The following TJP2 variants were observed in gnomAD, a reference collection of about 807,000 sequenced individuals.
The protein encoded by TJP2 is tight junction protein 2.
A neutral mutation model predicts 133.1 loss-of-function variants in TJP2; 91 were observed. The ratio of observed to expected loss-of-function variants is 0.68; its 90% confidence interval spans 0.58 to 0.81. The LOEUF is 0.81. TJP2 is among the 40% of genes least tolerant of loss of function. The probability of loss-of-function intolerance (pLI) is 0.00; values close to 1 mark genes in which losing one functional copy is unlikely to be tolerated. For missense variants in TJP2, 1,541 were observed against 1,565.6 expected, an observed-to-expected ratio of 0.98 and a Z score of 0.26; for synonymous variants, 592 against 583.4, an observed-to-expected ratio of 1.01 and a Z score of -0.21.
intron 1 of TJP2, among the ~76,000 whole-genome samples, chr9:69,141,305 A>G (rs549936135): frequency 2.0e-4 from 31 of 152,278 alleles, no homozygotes; most frequent in African/African-American, 6.3e-4. Context: ...ACGTATCACA[A>G]CCATAAGGGA....
upstream of TJP2, among the ~76,000 whole-genome samples, chr9:69,172,445 C>T (rs1824740523): frequency 1.3e-5 from 2 of 152,188 alleles, no homozygotes; most frequent in African/African-American, 4.8e-5. Context: ...TGAAATGAGA[C>T]AAGTGTGACT....
chr9:69,242,113 C>T (rs542275149), intron 17 of TJP2, among the ~76,000 whole-genome samples: 3 of 152,170 alleles, frequency 2.0e-5, no homozygotes, highest in African/African-American at 4.8e-5. Context: ...AGGCTGAAGG[C>T]GGCTGGACGA....
chr9:69,188,399 A>G (rs1045137619), intron 1 of TJP2, among the ~76,000 whole-genome samples: 5 of 152,152 alleles, frequency 3.3e-5, no homozygotes, highest in Non-Finnish European at 7.4e-5. Flanking sequence ...CTTGTGTGAC[A>G]GGGAGGGGAT....
intron 1 of TJP2, among the ~76,000 whole-genome samples, chr9:69,149,743 T>G (rs911333367): frequency 6.6e-5 from 10 of 152,220 alleles, no homozygotes; most frequent in Non-Finnish European, 1.3e-4. Flanking sequence ...GAAAGGCACA[T>G]GCAGGCTTCA....
rs146741666 is a variant in TJP2, at chr9:69,236,952, T to C, written c.1995T>C (p.Ala665=). The change falls in exon 14 of 23, where the codon GCT becomes GCC. Residue 665 remains alanine (A), a synonymous_variant. Coordinates refer to ENST00000377245, the MANE Select transcript of TJP2 (RefSeq NM_004817.4). ...EKGLIPNKSR[A]EQMASVQNAQ... is the part of the protein sequence containing the mutation. The stretch of plus-strand genomic sequence containing the variant: ...ACTTCCCGTGGTTTCTTCTCAGAGC[T>C]GAACAAATGGCCAGTGTTCAAAATG... 6.2e-7 allele frequency: 1 copy of C among 1,614,234 alleles called. No homozygotes were observed. The highest frequency in any genetic ancestry group is 2.2e-5 in the East Asian group (1 of 44,884).
intron 2 of TJP2, among the ~76,000 whole-genome samples, chr9:69,165,711 CA>C (rs916285616): frequency 5.3e-5 from 8 of 152,144 alleles, no homozygotes; most frequent in Non-Finnish European, 1.0e-4. Context: ...GTGTAAACAG[CA>C]GTAAAATAGT....
At chr9:69,216,541 A>G in intron 3 of TJP2, 78 bp downstream of exon 3, 1 of 1,496,950 alleles carries the variant, frequency 6.7e-7, no homozygotes, top group South Asian at 1.2e-5. Context: ...GTTGGTGTCC[A>G]CTTTATTTAA....
At chr9:69,150,297 C>CTT (rs1342768790) in intron 1 of TJP2, among the ~76,000 whole-genome samples, 2 of 142,206 alleles carry the variant, frequency 1.4e-5, no homozygotes, top group African/African-American at 2.6e-5. Context: ...TTTTTCTTTT[C>CTT]TTTTTTTTTT....
At chr9:69,204,542 C>T (rs1827245696) in intron 1 of TJP2, among the ~76,000 whole-genome samples, 1 of 152,208 alleles carries the variant, frequency 6.6e-6, no homozygotes, top group South Asian at 2.1e-4. Context: ...GCTAAGTTTA[C>T]AAAAAGGTTA....
At chr9:69,250,311 C>T (rs1210306712) in intron 20 of TJP2, among the ~76,000 whole-genome samples, 1 of 152,126 alleles carries the variant, frequency 6.6e-6, no homozygotes, top group Admixed American at 6.5e-5. Flanking sequence ...GACATGTTGG[C>T]CAGGCTGGTC....
At chr9:69,190,271 TAC>T (rs1168685932) in intron 1 of TJP2, among the ~76,000 whole-genome samples, 2 of 152,262 alleles carry the variant, frequency 1.3e-5, no homozygotes, top group African/African-American at 4.8e-5. Context: ...ACAATTCTTC[TAC>T]ACAGTGTCTT....
At chr9:69,206,867 G>A (rs570072096) in intron 1 of TJP2, among the ~76,000 whole-genome samples, 6 of 152,182 alleles carry the variant, frequency 3.9e-5, no homozygotes, top group Non-Finnish European at 8.8e-5. Context: ...GCGAGCCATC[G>A]CGCCCGGCCT....
At chr9:69,188,561 A>G (rs1354987852) in intron 1 of TJP2, among the ~76,000 whole-genome samples, 4 of 152,204 alleles carry the variant, frequency 2.6e-5, no homozygotes, top group African/African-American at 9.6e-5. Flanking sequence ...CTGAAAGTGC[A>G]TAGAAATATT....
chr9:69,153,026 C>G (rs1224653409), intron 2 of TJP2, among the ~76,000 whole-genome samples: 3 of 151,280 alleles, frequency 2.0e-5, no homozygotes, highest in Admixed American at 2.0e-4. Flanking sequence ...GAGTTTGAAA[C>G]CAGCCTAGGC....
intron 11 of TJP2, among the ~76,000 whole-genome samples, chr9:69,233,797 A>G (rs1320009593): frequency 2.0e-5 from 3 of 151,934 alleles, no homozygotes; most frequent in South Asian, 4.1e-4. Flanking sequence ...ACCACATAGC[A>G]CTATGATTTC....
chr9:69,230,661 G>A (rs538653860), intron 11 of TJP2, among the ~76,000 whole-genome samples: 92 of 152,204 alleles, frequency 6.0e-4, no homozygotes, highest in Middle Eastern at 3.4e-3. Context: ...TTGGAATTTC[G>A]TCCCAGCCTC....
rs1183250578 is a variant in TJP2 at position 69,252,910 on chromosome 9, G to T, written c.3407+10G>T. Reference sequence around the variant, plus strand: ...CGCCCCAGCACACGAGGTAAGGGCTGCCTAGTGGGTACAGGTCTAAGGCGG... The same window carrying T: ...CGCCCCAGCACACGAGGTAAGGGCTTCCTAGTGGGTACAGGTCTAAGGCGG... On this transcript the variant is annotated intron_variant, in intron 22 of 22. Coordinates refer to ENST00000377245, the MANE Select transcript of TJP2 (RefSeq NM_004817.4). 1 of 1,613,740 alleles carries T rather than the reference G, an allele frequency of 6.2e-7. No individual in the cohort carries two copies. The highest frequency in any genetic ancestry group is 1.3e-5 in the African/African-American group (1 of 74,940).
intron 2 of TJP2, among the ~76,000 whole-genome samples, chr9:69,154,547 T>C (rs1333861915): frequency 6.6e-6 from 1 of 151,964 alleles, no homozygotes; most frequent in East Asian, 1.9e-4. Context: ...GCTAAGGCTT[T>C]GGGAGGCTGA....
At chr9:69,150,767 C>G (rs899499394) in intron 1 of TJP2, among the ~76,000 whole-genome samples, 2 of 152,146 alleles carry the variant, frequency 1.3e-5, no homozygotes, top group African/African-American at 4.8e-5. Flanking sequence ...ACAGGGGCAG[C>G]AATTCCATTA....
Sources: allele counts gnomAD v4.1 joint callset (sites outside exome capture counted in the v4.1 genomes callset), GRCh38; gene constraint gnomAD v4.1.1; transcripts MANE v1.5; gene names NCBI Gene and HGNC (gene_info 2026-07-23, HGNC 2026-07-21).